The following TRIM2 variants were observed in gnomAD, a reference collection of about 807,000 sequenced individuals.
TRIM2 encodes the protein tripartite motif containing 2.
A neutral mutation model predicts 75.2 loss-of-function variants in TRIM2; 20 were observed. The ratio of observed to expected loss-of-function variants is 0.27; its 90% confidence interval spans 0.19 to 0.39. TRIM2 has a LOEUF of 0.39. Ranked by LOEUF, TRIM2 falls within the 10% of genes least tolerant of loss-of-function variation. The pLI is 1.00. For synonymous variants in TRIM2, 373 were observed against 388.3 expected (o/e 0.96, Z 0.46); for missense variants, 660 against 990.8 (o/e 0.67, Z 4.48).
At chr4:153,234,299 G>A (rs1457895082) in intron 1 of TRIM2, among the ~76,000 whole-genome samples, 2 of 152,162 alleles carry the variant, frequency 1.3e-5, no homozygotes, top group African/African-American at 2.4e-5. Context: ...CAGTCACACT[G>A]TGATTCAGGG....
chr4:153,153,673 C>G (rs1728945532), intron 1 of TRIM2, among the ~76,000 whole-genome samples: 1 of 152,206 alleles, frequency 6.6e-6, no homozygotes, highest in South Asian at 2.1e-4. Context: ...GGCCAGTGTT[C>G]CAGCCCGTGG....
chr4:153,199,858 A>C (rs1341691490), upstream of TRIM2, among the ~76,000 whole-genome samples: 1 of 151,906 alleles, frequency 6.6e-6, no homozygotes, highest in African/African-American at 2.4e-5. Flanking sequence ...ATTGAAGCCT[A>C]AAATTCCTGT....
intron 1 of TRIM2, among the ~76,000 whole-genome samples, chr4:153,181,298 G>A (rs1432586750): frequency 6.6e-6 from 1 of 152,226 alleles, no homozygotes; most frequent in Non-Finnish European, 1.5e-5. Context: ...GTGCTCTCCT[G>A]CTCTCTAGAA....
intron 1 of TRIM2, among the ~76,000 whole-genome samples, chr4:153,178,989 T>C (rs1731764224): frequency 6.6e-6 from 1 of 152,104 alleles, no homozygotes; most frequent in African/African-American, 2.4e-5. Context: ...AGTTTGAGAC[T>C]AGCCTGGGCA....
At chr4:153,249,035 G>A (rs1289426244) in intron 1 of TRIM2, among the ~76,000 whole-genome samples, 1 of 152,248 alleles carries the variant, frequency 6.6e-6, no homozygotes, top group Non-Finnish European at 1.5e-5. Flanking sequence ...GTTGCTGGAG[G>A]GCCAGGCGGG....
intron 11 of TRIM2, among the ~76,000 whole-genome samples, chr4:153,334,195 G>T (rs1043053386): frequency 6.6e-6 from 1 of 151,864 alleles, no homozygotes; most frequent in African/African-American, 2.4e-5. Context: ...AATATTTGTT[G>T]TGACCACTAT....
intron 1 of TRIM2, among the ~76,000 whole-genome samples, chr4:153,213,856 T>C (rs1737748197): frequency 6.6e-6 from 1 of 152,214 alleles, no homozygotes. Context: ...TTAACGAATT[T>C]AATCTTTGTA....
intron 11 of TRIM2, among the ~76,000 whole-genome samples, chr4:153,331,622 A>G (rs1323900408): frequency 1.3e-5 from 2 of 152,254 alleles, no homozygotes; most frequent in Non-Finnish European, 2.9e-5. Context: ...TTTTGCAGAT[A>G]TAAATCTTAT....
chr4:153,185,803 T>C (rs1418090476), intron 1 of TRIM2, among the ~76,000 whole-genome samples: 5 of 152,158 alleles, frequency 3.3e-5, no homozygotes, highest in African/African-American at 1.2e-4. Context: ...AACCAGAAGA[T>C]GGTTTCATGA....
At chr4:153,317,579 G>A (rs142043081) in intron 8 of TRIM2, among the ~76,000 whole-genome samples, 1,794 of 151,796 alleles carry the variant, frequency 0.012, 28 homozygotes, top group Non-Finnish European at 0.017. Flanking sequence ...AACCCCGGGA[G>A]GCGGAGCTTG....
At chr4:153,243,769 T>A (rs1747293001) in intron 1 of TRIM2, among the ~76,000 whole-genome samples, 1 of 151,736 alleles carries the variant, frequency 6.6e-6, no homozygotes, top group African/African-American at 2.4e-5. Context: ...TAGGCATGGA[T>A]AATATGTGGT....
At position 153,296,033 on chromosome 4, in the gene TRIM2, G is replaced by A. The variant is rs1316376714; in HGVS notation, c.1507G>A (p.Val503Met). 6.6e-7 allele frequency: 1 copy of A among 1,522,018 alleles called. No individual in the cohort carries two copies. The highest frequency in any genetic ancestry group is 8.8e-7 in the Non-Finnish European group (1 of 1,137,190). 94.3% of individuals were successfully genotyped at this position (1,522,018 alleles called of 1,614,324 possible). A position where few individuals can be genotyped will look rare whatever the true frequency, so the allele number is the denominator to read the frequency against. ...NPIEDDLIFR[V>M]GTKGRNKGEF... is the part of the protein sequence containing the mutation. ...CATCGAAGACGATTTGATCTTTCGAGTGGGTAAGGAGAGGGCTTCTGTGCC... is the reference window on the plus strand; with the variant it reads ...CATCGAAGACGATTTGATCTTTCGAATGGGTAAGGAGAGGGCTTCTGTGCC... Residue 503 changes from valine to methionine, a missense_variant, in exon 6 of 12, where the codon GTG becomes ATG. Transcript: ENST00000338700.
At chr4:153,235,197 G>A (rs759478032) in intron 1 of TRIM2, among the ~76,000 whole-genome samples, 7 of 152,152 alleles carry the variant, frequency 4.6e-5, no homozygotes, top group Non-Finnish European at 8.8e-5. Flanking sequence ...ACAGCTGTGT[G>A]ACTCTGAGAA....
chr4:153,189,648 A>T (rs1055498473), intron 1 of TRIM2, among the ~76,000 whole-genome samples: 1 of 152,212 alleles, frequency 6.6e-6, no homozygotes, highest in African/African-American at 2.4e-5. Flanking sequence ...TCTCAGGCTC[A>T]TGCCTCCCTG....
Position 153,319,385 on chromosome 4 carries a change from A to G in TRIM2, c.1783-3263A>G, listed in dbSNP as rs1010366827. ...TCTTTCCTGTTCAATTTAAGGAACTATTTGTTGAGTTAAATACCCTGATTA... is the reference window on the plus strand; with the variant it reads ...TCTTTCCTGTTCAATTTAAGGAACTGTTTGTTGAGTTAAATACCCTGATTA... On this transcript the variant is annotated intron_variant, in intron 8 of 11. Coordinates refer to ENST00000338700, the MANE Select transcript of TRIM2 (RefSeq NM_015271.5). Among the ~76,000 whole-genome samples the G allele has an allele frequency of 2.0e-5, 3 of 152,238 alleles. No homozygotes were observed. In the East Asian group the frequency reaches 5.8e-4, roughly 29 times the overall value.
chr4:153,243,821 C>A (rs868649165), intron 1 of TRIM2, among the ~76,000 whole-genome samples: 1 of 104,492 alleles, frequency 9.6e-6, no homozygotes, highest in Non-Finnish European at 1.9e-5. Flanking sequence ...TTTTTTTTCC[C>A]CCCCCCCTTG....
At chr4:153,270,095 A>AT (rs1321847526) in intron 1 of TRIM2, among the ~76,000 whole-genome samples, 2 of 151,668 alleles carry the variant, frequency 1.3e-5, no homozygotes, top group Non-Finnish European at 1.5e-5. Context: ...CACCCGGCTA[A>AT]TTTTTTGTAT....
chr4:153,191,089 G>C (rs943414784), intron 1 of TRIM2, among the ~76,000 whole-genome samples: 1 of 152,100 alleles, frequency 6.6e-6, no homozygotes, highest in East Asian at 1.9e-4. Flanking sequence ...ATGCCTTTTA[G>C]CTTTATTCTC....
chr4:153,307,911 T>C (rs1164860796), intron 6 of TRIM2: 1 of 752,102 alleles, frequency 1.3e-6, no homozygotes, highest in East Asian at 2.5e-5. Context: ...CAGGACCTTA[T>C]CTTGAGTCCC....
Sources: gnomAD v4.1 joint callset for allele counts (sites outside exome capture counted in the v4.1 genomes callset) on GRCh38, gnomAD v4.1.1 for gene constraint, MANE v1.5 for transcripts, NCBI Gene and HGNC (gene_info 2026-07-23, HGNC 2026-07-21) for gene names.